MACROD2: variants seen among roughly 807,000 people sequenced by gnomAD.
MACROD2 encodes ADP-ribose glycohydrolase MACROD2.
A neutral mutation model predicts 70.4 loss-of-function variants in MACROD2; 36 were observed. The observed-to-expected ratio is 0.51, with a 90% confidence interval of 0.39 to 0.68. The LOEUF is 0.68. Ranked by LOEUF, MACROD2 falls within the 30% of genes least tolerant of loss-of-function variation. MACROD2 has a pLI of 0.00. For synonymous variants in MACROD2, 172 were observed against 178.8 expected, an observed-to-expected ratio of 0.96 and a Z score of 0.30; for missense variants, 496 against 538.4, an observed-to-expected ratio of 0.92 and a Z score of 0.78.
intron 8 of MACROD2, among the ~76,000 whole-genome samples, chr20:15,753,725 T>A (rs908749002): frequency 6.6e-6 from 1 of 152,238 alleles, no homozygotes; most frequent in African/African-American, 2.4e-5. Context: ...TAATTTACCG[T>A]TCCACAAGCA....
intron 9 of MACROD2, among the ~76,000 whole-genome samples, chr20:15,878,968 C>T (rs1207451929): frequency 2.0e-5 from 3 of 152,022 alleles, no homozygotes; most frequent in Non-Finnish European, 2.9e-5. Context: ...TAATCTAACA[C>T]AGGAGATACA....
At chr20:14,857,273 C>T (rs945103709) in intron 5 of MACROD2, among the ~76,000 whole-genome samples, 1 of 152,220 alleles carries the variant, frequency 6.6e-6, no homozygotes, top group East Asian at 1.9e-4. Context: ...ACTTATATCT[C>T]CTGCTCTTCA....
chr20:15,946,307 T>C (rs571355167), intron 12 of MACROD2, among the ~76,000 whole-genome samples: 1 of 152,306 alleles, frequency 6.6e-6, no homozygotes, highest in Non-Finnish European at 1.5e-5. Context: ...TCACTCTCAA[T>C]ATCTTTCTTG....
chr20:14,904,631 G>T (rs1206395235), intron 5 of MACROD2, among the ~76,000 whole-genome samples: 1 of 152,118 alleles, frequency 6.6e-6, no homozygotes, highest in Non-Finnish European at 1.5e-5. Context: ...TCTGTTTTCA[G>T]ATTTTAGTAA....
In MACROD2 at chr20:15,869,210, CATATAT is replaced by C. The variant is rs778142501; in HGVS notation, c.727+6408_727+6413del. 2.4e-3 allele frequency among the ~76,000 whole-genome samples: 125 copies of C among 51,906 alleles called. 4 individuals carry two copies. The highest frequency in any genetic ancestry group is 0.014 in the Middle Eastern group (1 of 72). 34.1% of individuals were successfully genotyped at this position (51,906 alleles called of 152,430 possible). Reference sequence around the variant, plus strand: ...GTCAACTTTACTTAAATGTGATTAACATATATATATATATATATATATATATATAGA... The same window carrying C: ...GTCAACTTTACTTAAATGTGATTAACATATATATATATATATATATATAGA... On this transcript the variant is annotated intron_variant, in intron 9 of 17. Transcript: ENST00000684519.
chr20:15,384,722 C>T (rs903094112), intron 6 of MACROD2, among the ~76,000 whole-genome samples: 41 of 152,036 alleles, frequency 2.7e-4, no homozygotes, highest in Admixed American at 6.6e-4. Context: ...ATAACCAGTA[C>T]ATTTTTACAA....
rs533857843 is a variant in MACROD2, at chr20:15,114,136, A to G, written c.419-115804A>G. Reference sequence around the variant, plus strand: ...AGAGAGGTGAATGTGCATCTTCCTCAGGACCACAGTTGTGGGGTTAGCTGT... The same window carrying G: ...AGAGAGGTGAATGTGCATCTTCCTCGGGACCACAGTTGTGGGGTTAGCTGT... On this transcript the variant is annotated intron_variant, in intron 5 of 17. Coordinates refer to ENST00000684519, the MANE Select transcript of MACROD2 (RefSeq NM_001351661.2). Among the ~76,000 whole-genome samples the G allele has an allele frequency of 2.6e-5, 4 of 152,320 alleles. No individual in the cohort carries two copies. The South Asian group carries it at 6.2e-4, about 24-fold the overall frequency.
At chr20:14,554,241 C>G (rs574198860) in intron 4 of MACROD2, 1 of 152,230 alleles carries the variant, frequency 6.6e-6, no homozygotes, top group African/African-American at 2.4e-5. Context: ...TTTCAGAACC[C>G]TCATTTCTCT....
intron 7 of MACROD2, among the ~76,000 whole-genome samples, chr20:15,435,420 ATAT>A (rs934806987): frequency 6.4e-4 from 97 of 152,246 alleles, no homozygotes; most frequent in African/African-American, 2.2e-3. Context: ...TTGTTAGATC[ATAT>A]TATATGGACA....
At chr20:15,799,931 C>CT (rs1161547120) in intron 8 of MACROD2, among the ~76,000 whole-genome samples, 1 of 152,160 alleles carries the variant, frequency 6.6e-6, no homozygotes, top group Admixed American at 6.5e-5. Context: ...CTTGTCAACA[C>CT]TTTTTTTTCT....
chr20:14,405,963 A>G (rs1037449902), intron 3 of MACROD2, among the ~76,000 whole-genome samples: 1 of 152,180 alleles, frequency 6.6e-6, no homozygotes, highest in Admixed American at 6.6e-5. Flanking sequence ...GATTTTATCT[A>G]ATAAAAAAAG....
At chr20:14,414,246 C>A (rs2083779682) in intron 3 of MACROD2, among the ~76,000 whole-genome samples, 1 of 152,170 alleles carries the variant, frequency 6.6e-6, no homozygotes, top group African/African-American at 2.4e-5. Context: ...CTGCTCCAAA[C>A]CTGCTTGTCC....
chr20:14,886,970 T>A (rs1263028520), intron 5 of MACROD2, among the ~76,000 whole-genome samples: 3 of 152,278 alleles, frequency 2.0e-5, no homozygotes, highest in Non-Finnish European at 2.9e-5. Context: ...GACCACAAGA[T>A]GATCATACAC....
chr20:15,206,590 A>G (rs1240325034), intron 5 of MACROD2, among the ~76,000 whole-genome samples: 1 of 151,324 alleles, frequency 6.6e-6, no homozygotes, highest in East Asian at 1.9e-4. Context: ...GTGAATCTTT[A>G]CCTCTCAAAG....
chr20:15,114,390 TTTG>T (rs1204165662), intron 5 of MACROD2, among the ~76,000 whole-genome samples: 1 of 152,162 alleles, frequency 6.6e-6, no homozygotes, highest in African/African-American at 2.4e-5. Context: ...GAGAGATTCT[TTTG>T]TTGGTCTTGA....
intron 3 of MACROD2, among the ~76,000 whole-genome samples, chr20:14,090,718 T>C (rs142801911): frequency 0.024 from 3,616 of 152,314 alleles, 66 homozygotes; most frequent in Middle Eastern, 0.051. Context: ...AATGCTGCAG[T>C]GAACATGGCA....
intron 5 of MACROD2, among the ~76,000 whole-genome samples, chr20:14,901,780 G>A (rs973550801): frequency 1.3e-5 from 2 of 152,098 alleles, no homozygotes; most frequent in African/African-American, 4.8e-5. Flanking sequence ...AGTTTCTCTA[G>A]CCTCATTTGC....
chr20:15,823,617 A>G (rs1374641307), intron 8 of MACROD2, among the ~76,000 whole-genome samples: 1 of 152,226 alleles, frequency 6.6e-6, no homozygotes, highest in East Asian at 1.9e-4. Context: ...TAAGTTTCCA[A>G]CTATTTATCA....
At chr20:14,537,943 TG>T (rs2085386746) in intron 4 of MACROD2, among the ~76,000 whole-genome samples, 1 of 152,226 alleles carries the variant, frequency 6.6e-6, no homozygotes, top group Admixed American at 6.5e-5. Context: ...TCACCTTCTT[TG>T]CCTCTTCTCA....
Sources: gnomAD v4.1 joint callset for allele counts (sites outside exome capture counted in the v4.1 genomes callset) on GRCh38, gnomAD v4.1.1 for gene constraint, MANE v1.5 for transcripts, NCBI Gene and HGNC (gene_info 2026-07-23, HGNC 2026-07-21) for gene names.